Variants in ITGA1 observed in about 807,000 individuals in gnomAD.
ITGA1 encodes integrin subunit alpha 1.
Under a neutral mutation model 145.9 loss-of-function variants are expected in ITGA1, and 85 were observed. The observed-to-expected ratio is 0.58, with a 90% CI of 0.49 to 0.70. The LOEUF is 0.70. Among genes scored for constraint, ITGA1 ranks in the 30% least tolerant of loss-of-function variants. The pLI is 0.00. For synonymous variants in ITGA1, 520 were observed against 495.3 expected (o/e 1.05, Z -0.66); for missense variants, 1,351 against 1,418.7 (o/e 0.95, Z 0.77).
chr5:52,810,519 A>G (rs972717218), intron 1 of ITGA1, among the ~76,000 whole-genome samples: 6 of 152,146 alleles, frequency 3.9e-5, no homozygotes, highest in African/African-American at 1.2e-4. Flanking sequence ...AAAAACCACA[A>G]TCTATTTTAT....
chr5:52,949,113 G>A (rs1035090926), intron 28 of ITGA1, among the ~76,000 whole-genome samples: 5 of 152,140 alleles, frequency 3.3e-5, no homozygotes, highest in South Asian at 2.1e-4. Context: ...TGTCTTACCC[G>A]GTAGAAATAG....
intron 14 of ITGA1, among the ~76,000 whole-genome samples, chr5:52,912,525 GTAT>G (rs1750576058): frequency 3.3e-5 from 4 of 122,774 alleles, no homozygotes; most frequent in Non-Finnish European, 5.2e-5. Context: ...TATATATAGT[GTAT>G]CCACTATAGG....
intron 1 of ITGA1, among the ~76,000 whole-genome samples, chr5:52,845,571 T>C (rs907137098): frequency 2.0e-5 from 3 of 152,194 alleles, no homozygotes; most frequent in Admixed American, 6.5e-5. Context: ...GGTGGTGATG[T>C]TCTTGTCTTC....
At chr5:52,865,305 T>A (rs1032371790) in intron 5 of ITGA1, among the ~76,000 whole-genome samples, 1 of 152,230 alleles carries the variant, frequency 6.6e-6, no homozygotes, top group Non-Finnish European at 1.5e-5. Context: ...TTAAACATCA[T>A]AGATAAAGCT....
chr5:52,852,319 T>C (rs928548094), intron 2 of ITGA1, among the ~76,000 whole-genome samples: 4 of 152,158 alleles, frequency 2.6e-5, no homozygotes, highest in Non-Finnish European at 5.9e-5. Flanking sequence ...GGAATTTACA[T>C]ATAAATTGGA....
At chr5:52,839,434 T>C (rs1186804351) in intron 1 of ITGA1, among the ~76,000 whole-genome samples, 1 of 152,204 alleles carries the variant, frequency 6.6e-6, no homozygotes, top group Non-Finnish European at 1.5e-5. Flanking sequence ...GAATAGCTTT[T>C]GGCTCTTCTT....
At chr5:52,844,744 A>G (rs1749307696) in intron 1 of ITGA1, among the ~76,000 whole-genome samples, 1 of 151,604 alleles carries the variant, frequency 6.6e-6, no homozygotes, top group Non-Finnish European at 1.5e-5. Flanking sequence ...TATTTTTTGT[A>G]TTTTTTCTAT....
chr5:52,845,705 G>A (rs1300702631), intron 1 of ITGA1, among the ~76,000 whole-genome samples: 3 of 152,124 alleles, frequency 2.0e-5, no homozygotes, highest in Non-Finnish European at 4.4e-5. Flanking sequence ...TAGGGGACAA[G>A]GATGCTGCTA....
At position 52,801,200 on chromosome 5, in the gene ITGA1, A is replaced by G. The variant is rs891212006; in HGVS notation, c.61+12786A>G. Reference sequence around the variant, plus strand: ...CTACTCCTAAAGTTTTAGAACTGGGAAAAATAAGAAGAGAAAGTCTTTACT... The same window carrying G: ...CTACTCCTAAAGTTTTAGAACTGGGGAAAATAAGAAGAGAAAGTCTTTACT... On this transcript the variant is annotated intron_variant, in intron 1 of 28. Coordinates refer to ENST00000282588, the MANE Select transcript of ITGA1 (RefSeq NM_181501.2). 8 of 1,373,138 alleles carry G rather than the reference A, an allele frequency of 5.8e-6. No individual in the cohort carries two copies. The African/African-American group carries it at 1.0e-4, about 17-fold the overall frequency. The allele number at this position is 1,373,138 out of a possible 1,614,324, so 85.1% of individuals were successfully genotyped here.
chr5:52,914,850 T>C (rs1235455926), intron 14 of ITGA1, among the ~76,000 whole-genome samples: 2 of 152,216 alleles, frequency 1.3e-5, no homozygotes, highest in Non-Finnish European at 2.9e-5. Flanking sequence ...ATACTATGTA[T>C]GGTAATGTGC....
chr5:52,837,601 G>T (rs1171831790), intron 1 of ITGA1, among the ~76,000 whole-genome samples: 1 of 151,984 alleles, frequency 6.6e-6, no homozygotes, highest in Non-Finnish European at 1.5e-5. Flanking sequence ...CTAGTGTTGT[G>T]ATTCTAAGTA....
At position 52,868,696 on chromosome 5, in the gene ITGA1, C is replaced by T. The variant is rs183666305; in HGVS notation, c.624+2879C>T. Among the ~76,000 whole-genome samples the T allele has an allele frequency of 2.0e-5, 3 of 152,300 alleles. No homozygotes were observed. The East Asian group carries it at 5.8e-4, about 29-fold the overall frequency. On this transcript the variant is annotated intron_variant, in intron 6 of 28. Coordinates refer to ENST00000282588, the MANE Select transcript of ITGA1 (RefSeq NM_181501.2). ...ACCCTGCAGCAGAAGAGTTCAGTTA[C>T]ATTTACCAAGATCCAGGACCTCAAT...
chr5:52,890,861 C>G (rs1321771694), intron 8 of ITGA1, among the ~76,000 whole-genome samples: 1 of 152,164 alleles, frequency 6.6e-6, no homozygotes, highest in Non-Finnish European at 1.5e-5. Flanking sequence ...TAACTAACCC[C>G]TCTTCATCCC....
At chr5:52,893,226 G>T (rs934664841) in intron 8 of ITGA1, among the ~76,000 whole-genome samples, 5 of 152,068 alleles carry the variant, frequency 3.3e-5, no homozygotes, top group Non-Finnish European at 7.4e-5. Flanking sequence ...ATATGTGCTG[G>T]ACTGTGCCTT....
chr5:52,839,022 G>A (rs1580055902), intron 1 of ITGA1, among the ~76,000 whole-genome samples: 1 of 152,068 alleles, frequency 6.6e-6, no homozygotes, highest in East Asian at 1.9e-4. Flanking sequence ...ACTTGAGCTG[G>A]CGAGGCCGAG....
chr5:52,853,121 A>T (rs1385650755), intron 2 of ITGA1, among the ~76,000 whole-genome samples: 1 of 152,210 alleles, frequency 6.6e-6, no homozygotes, highest in Non-Finnish European at 1.5e-5. Context: ...GTTGACATTT[A>T]TTATTTACAA....
At chr5:52,813,864 A>C (rs1287165619) in intron 1 of ITGA1, among the ~76,000 whole-genome samples, 1 of 152,216 alleles carries the variant, frequency 6.6e-6, no homozygotes, top group African/African-American at 2.4e-5. Flanking sequence ...CATTTTAAAG[A>C]AGTTGAAGTA....
intron 1 of ITGA1, among the ~76,000 whole-genome samples, chr5:52,813,413 C>T (rs1748714620): frequency 6.6e-6 from 1 of 152,134 alleles, no homozygotes; most frequent in Admixed American, 6.5e-5. Context: ...CATAAACAGA[C>T]TACAATTATC....
intron 1 of ITGA1, among the ~76,000 whole-genome samples, chr5:52,828,122 G>A (rs529502697): frequency 1.3e-5 from 2 of 152,270 alleles, no homozygotes; most frequent in African/African-American, 2.4e-5. Context: ...TTGTGAACAA[G>A]TTTTCTCTGA....
Sources: allele counts gnomAD v4.1 joint callset (sites outside exome capture counted in the v4.1 genomes callset), GRCh38; gene constraint gnomAD v4.1.1; transcripts MANE v1.5; gene names NCBI Gene and HGNC (gene_info 2026-07-23, HGNC 2026-07-21).